PDE1B: variants seen among roughly 807,000 people sequenced by gnomAD.
The protein encoded by PDE1B is phosphodiesterase 1B.
A neutral mutation model predicts 66.7 loss-of-function variants in PDE1B; 13 were observed. That is an observed-to-expected ratio of 0.19 (90% confidence interval 0.13 to 0.31). The LOEUF (loss-of-function observed/expected upper bound fraction) is 0.31. Among genes scored for constraint, PDE1B ranks in the 10% least tolerant of loss-of-function variants. PDE1B has a pLI of 1.00. For missense variants in PDE1B, 485 were observed against 682.3 expected (o/e 0.71, Z 3.22); for synonymous variants, 230 against 253.9 (o/e 0.91, Z 0.90).
intron 2 of PDE1B, among the ~76,000 whole-genome samples, chr12:54,555,928 C>A (rs1206066325): frequency 6.6e-6 from 1 of 152,126 alleles, no homozygotes; most frequent in Non-Finnish European, 1.5e-5. Context: ...AGAAAATCCC[C>A]GTGGCTCCCT....
At chr12:54,555,898 C>T (rs1419500462) in intron 2 of PDE1B, among the ~76,000 whole-genome samples, 1 of 152,154 alleles carries the variant, frequency 6.6e-6, no homozygotes, top group African/African-American at 2.4e-5. Context: ...ACTTCTCCTC[C>T]CTCATCTTGG....
rs1957572467 is a variant in PDE1B at position 54,569,181 on chromosome 12, C to G, written c.228-3C>G. ...CTCTGTGACTCCCCTTCTGGGGTCT[C>G]AGGCAAATCTTGGACACGGAGGACG... On this transcript the variant is annotated splice_region_variant and splice_polypyrimidine_tract_variant and intron_variant, in intron 3 of 15. Coordinates refer to ENST00000243052, the MANE Select transcript of PDE1B (RefSeq NM_000924.4). This position sits in a 1 kb window ranked among gnomAD's most constrained non-coding sequence, Gnocchi z 4.4. 1 of 1,599,070 alleles carries G rather than the reference C, an allele frequency of 6.3e-7. No homozygotes were observed.
intron 2 of PDE1B, among the ~76,000 whole-genome samples, chr12:54,564,866 T>C (rs1957486559): frequency 6.6e-6 from 1 of 152,188 alleles, no homozygotes; most frequent in South Asian, 2.1e-4. Flanking sequence ...CCAGGATTCC[T>C]GCCTCCCAGA....
At chr12:54,558,762 A>G (rs1257081404) in intron 2 of PDE1B, among the ~76,000 whole-genome samples, 2 of 152,220 alleles carry the variant, frequency 1.3e-5, no homozygotes, top group Admixed American at 6.5e-5. Flanking sequence ...GCCTGGATGG[A>G]AAGTCAGGGG....
At position 54,573,624 on chromosome 12, in the gene PDE1B, G is replaced by A; in HGVS notation, c.979G>A (p.Val327Ile). The change falls in exon 10 of 16, where the codon GTC becomes ATC. Residue 327 changes from valine (V) to isoleucine (I), a missense_variant. Val to Ile is a conservative substitution (Grantham distance 29). Coordinates refer to ENST00000243052, the MANE Select transcript of PDE1B (RefSeq NM_000924.4). The surrounding 1 kb of genome is among the most constrained non-coding windows in gnomAD (Gnocchi z 5.2). ...TCCGCTCAGAGAACTCCGAGCCCTG[G>A]TCATTGAGATGGTGTTGGCCACAGA... ...KDEFVELRAL[V>I]IEMVLATDMS... 6.2e-7 allele frequency: 1 copy of A among 1,614,082 alleles called. No individual in the cohort carries two copies. The highest frequency in any genetic ancestry group is 8.5e-7 in the Non-Finnish European group (1 of 1,179,998).
Position 54,566,292 on chromosome 12 carries a change from G to C in PDE1B, c.114-682G>C, listed in dbSNP as rs185904171. ...GGGGATGGGTACAGTAACTCTGTCAGAGGTTCTCTCTGGTGTAAGACTGGA... is the reference window on the plus strand; with the variant it reads ...GGGGATGGGTACAGTAACTCTGTCACAGGTTCTCTCTGGTGTAAGACTGGA... On this transcript the variant is annotated intron_variant, in intron 2 of 15. Coordinates refer to ENST00000243052, the MANE Select transcript of PDE1B (RefSeq NM_000924.4). Among the ~76,000 whole-genome samples the C allele has an allele frequency of 2.6e-5, 4 of 152,352 alleles. No homozygotes were observed. The East Asian group carries it at 7.7e-4, about 29-fold the overall frequency.
chr12:54,569,957 C>G lies in PDE1B; in HGVS notation c.478-284C>G, dbSNP rs1472998276. ...TCAAGTGTTCTGCCCACCTCGGTCT[C>G]CCAAAGTATTGGGATTACAGACGTG... On this transcript the variant is annotated intron_variant, in intron 5 of 15. Coordinates refer to ENST00000243052, the MANE Select transcript of PDE1B (RefSeq NM_000924.4). The surrounding 1 kb of genome is among the most constrained non-coding windows in gnomAD (Gnocchi z 4.4). Among the ~76,000 whole-genome samples the G allele has an allele frequency of 2.0e-5, 3 of 152,184 alleles. No individual in the cohort carries two copies. The East Asian group carries it at 5.8e-4, about 29-fold the overall frequency.
intron 2 of PDE1B, among the ~76,000 whole-genome samples, chr12:54,557,695 C>A (rs1957359715): frequency 6.6e-6 from 1 of 152,212 alleles, no homozygotes; most frequent in Admixed American, 6.5e-5. Flanking sequence ...CCCAGACTAC[C>A]TTCAACATCT....
In PDE1B at chr12:54,573,316, C is replaced by A. The variant is rs145609580; in HGVS notation, c.837-39C>A. 1 of 1,614,014 alleles carries A rather than the reference C, an allele frequency of 6.2e-7. No individual in the cohort carries two copies. The highest frequency in any genetic ancestry group is 1.1e-5 in the South Asian group (1 of 91,074). The stretch of plus-strand genomic sequence containing the variant: ...AGGTGGGGAGGTTGCCGGAGTCCCT[C>A]CTTACAGGGGGTGGTCATGATGACC... On this transcript the variant is annotated intron_variant, in intron 8 of 15. Coordinates refer to ENST00000243052, the MANE Select transcript of PDE1B (RefSeq NM_000924.4). The surrounding 1 kb of genome is among the most constrained non-coding windows in gnomAD (Gnocchi z 5.2).
chr12:54,562,457 T>C (rs1957434601), intron 2 of PDE1B, among the ~76,000 whole-genome samples: 1 of 152,206 alleles, frequency 6.6e-6, no homozygotes, highest in African/African-American at 2.4e-5. Context: ...TGGGGGAAGC[T>C]GCCAGTTTTC....
At chr12:54,562,233 A>G (rs1179355488) in intron 2 of PDE1B, among the ~76,000 whole-genome samples, 1 of 152,170 alleles carries the variant, frequency 6.6e-6, no homozygotes, top group Non-Finnish European at 1.5e-5. Flanking sequence ...GAGCCAAAGA[A>G]ATGAACTGTA....
Position 54,573,916 on chromosome 12 carries a change from T to TA in PDE1B, c.1064+208dup, listed in dbSNP as rs1957674080. On this transcript the variant is annotated intron_variant, in intron 10 of 15. Coordinates refer to ENST00000243052, the MANE Select transcript of PDE1B (RefSeq NM_000924.4). This position sits in a 1 kb window ranked among gnomAD's most constrained non-coding sequence, Gnocchi z 5.2. ...GTGTGTGTGTGTGTGTGTGTGTCCT[T>TA]ACGTTTACTCACAGCCTTGGCAGCT... 1 of 564,618 alleles carries TA rather than the reference T, an allele frequency of 1.8e-6. No homozygotes were observed. Among genetic ancestry groups the TA allele is most frequent in the Non-Finnish European group, 3.2e-6 (1 of 316,456 alleles). 35.0% of individuals were successfully genotyped at this position (564,618 alleles called of 1,614,324 possible). A position where few individuals can be genotyped will look rare whatever the true frequency, so the allele number is the denominator to read the frequency against.
chr12:54,572,863 T>C lies in PDE1B; in HGVS notation c.735+122T>C, dbSNP rs1957642154. 12 of 980,768 alleles carry C rather than the reference T, an allele frequency of 1.2e-5. No individual in the cohort carries two copies. The Admixed American group carries it at 2.4e-4, about 20-fold the overall frequency. The allele number at this position is 980,768 out of a possible 1,614,324, so 60.8% of individuals were successfully genotyped here. On this transcript the variant is annotated intron_variant, in intron 7 of 15. Transcript: ENST00000243052. ...GTTCTTCTTGGGCACTCCAAAGCCTTGACAGAGCCAAACTGGATTAACTCA... is the reference window on the plus strand; with the variant it reads ...GTTCTTCTTGGGCACTCCAAAGCCTCGACAGAGCCAAACTGGATTAACTCA...
chr12:54,553,161 T>C (rs1471081624), intron 2 of PDE1B, among the ~76,000 whole-genome samples: 1 of 57,918 alleles, frequency 1.7e-5, no homozygotes, highest in Admixed American at 1.7e-4. Context: ...GTATTCCCTG[T>C]TTTGCTACAC....
At chr12:54,554,468 T>G (rs1343346251) in intron 2 of PDE1B, 1 of 152,288 alleles carries the variant, frequency 6.6e-6, no homozygotes, top group Non-Finnish European at 1.5e-5. Flanking sequence ...CTCCCTCGGT[T>G]TCATACCCCA....
At chr12:54,577,001 G>C (rs1957765588) in intron 14 of PDE1B, 2 of 609,130 alleles carry the variant, frequency 3.3e-6, no homozygotes, top group African/African-American at 1.8e-5. Flanking sequence ...GGTGGCCCTG[G>C]CTGGGAAATC....
At position 54,576,633 on chromosome 12, in the gene PDE1B, GCTT is replaced by G. The variant is rs1392438364; in HGVS notation, c.1440_1442del (p.Phe481del). Reference sequence around the variant, plus strand: ...GGAGACCCCAACCCTGATGTGGTCAGCTTTCGTTCCACCTGGGTCAAGCGCATT... The same window carrying G: ...GGAGACCCCAACCCTGATGTGGTCAGTCGTTCCACCTGGGTCAAGCGCATT... On this transcript the variant is annotated inframe_deletion, in exon 14 of 16. Coordinates refer to ENST00000243052, the MANE Select transcript of PDE1B (RefSeq NM_000924.4). 1 of 1,614,048 alleles carries G rather than the reference GCTT, an allele frequency of 6.2e-7. No homozygotes were observed. Among genetic ancestry groups the G allele is most frequent in the East Asian group, 2.2e-5 (1 of 44,878 alleles).
Position 54,572,650 on chromosome 12 carries a change from A to G in PDE1B, c.644A>G (p.Tyr215Cys). 3 of 1,613,752 alleles carry G rather than the reference A, an allele frequency of 1.9e-6. No homozygotes were observed. The South Asian group carries it at 3.3e-5, about 18-fold the overall frequency. The change falls in exon 7 of 16, where the codon TAT becomes TGT. Residue 215 changes from tyrosine to cysteine, a missense_variant. Coordinates refer to ENST00000243052, the MANE Select transcript of PDE1B (RefSeq NM_000924.4). ...MSFLDALETG[Y>C]GKYKNPYHNQ... Reference sequence around the variant, plus strand: ...TTCCTGGATGCCTTGGAGACAGGCTATGGGAAGTACAAGAATCCTTACCAC... The same window carrying G: ...TTCCTGGATGCCTTGGAGACAGGCTGTGGGAAGTACAAGAATCCTTACCAC...
At chr12:54,557,938 C>G (rs1431899590) in intron 2 of PDE1B, among the ~76,000 whole-genome samples, 1 of 152,010 alleles carries the variant, frequency 6.6e-6, no homozygotes, top group Non-Finnish European at 1.5e-5. Flanking sequence ...CCCAATTCCT[C>G]TCTCTCTCAA....
Sources: allele counts gnomAD v4.1 joint callset (sites outside exome capture counted in the v4.1 genomes callset), GRCh38; gene constraint gnomAD v4.1.1; non-coding constraint Gnocchi (gnomAD v3.1); transcripts MANE v1.5; gene names NCBI Gene and HGNC (gene_info 2026-07-23, HGNC 2026-07-21).